Variants in DIP2C observed in about 807,000 individuals in gnomAD.
DIP2C encodes the protein disco-interacting protein 2 homolog C.
A neutral mutation model predicts 192.4 loss-of-function variants in DIP2C; 33 were observed. That is an observed-to-expected ratio of 0.17 (90% CI 0.13 to 0.23). The LOEUF (loss-of-function observed/expected upper bound fraction) is 0.23. Among genes scored for constraint, DIP2C ranks in the 10% least tolerant of loss-of-function variants. The probability of loss-of-function intolerance (pLI) is 1.00; values close to 1 mark genes in which losing one functional copy is unlikely to be tolerated. For missense variants in DIP2C, 1,537 were observed against 2,110.1 expected, an observed-to-expected ratio of 0.73 and a Z score of 5.32; for synonymous variants, 979 against 864.1, an observed-to-expected ratio of 1.13 and a Z score of -2.33.
intron 2 of DIP2C, among the ~76,000 whole-genome samples, chr10:480,964 C>G (rs557651824): frequency 1.3e-5 from 2 of 152,352 alleles, no homozygotes; most frequent in Admixed American, 6.5e-5. Flanking sequence ...AACACCCTTA[C>G]CCTGTGAGCT....
chr10:313,898 G>A (rs1956664647), intron 31 of DIP2C, among the ~76,000 whole-genome samples: 1 of 152,174 alleles, frequency 6.6e-6, no homozygotes, highest in Non-Finnish European at 1.5e-5. Context: ...GCTGACTGGT[G>A]ATTTTACTAT....
At chr10:418,286 G>A (rs530463762) in intron 6 of DIP2C, among the ~76,000 whole-genome samples, 11 of 129,316 alleles carry the variant, frequency 8.5e-5, no homozygotes, top group South Asian at 2.6e-4. Context: ...AGGCATCCCC[G>A]TCCACCTGTC....
intron 1 of DIP2C, chr10:662,664 T>C (rs752419598): frequency 5.3e-6 from 3 of 567,650 alleles, no homozygotes; most frequent in Non-Finnish European, 9.5e-6. Context: ...TTTTTCTTTT[T>C]CATCTTTTTA....
At chr10:478,913 GGGA>G (rs1388333485) in intron 2 of DIP2C, among the ~76,000 whole-genome samples, 1 of 152,138 alleles carries the variant, frequency 6.6e-6, no homozygotes, top group African/African-American at 2.4e-5. Context: ...GGGGTAGGGA[GGGA>G]GGAGGAGAGG....
chr10:510,701 A>C (rs1390828711), intron 1 of DIP2C, among the ~76,000 whole-genome samples: 3 of 152,230 alleles, frequency 2.0e-5, no homozygotes, highest in Non-Finnish European at 2.9e-5. Context: ...CCCCTGAGAG[A>C]GCAGCTGACT....
intron 17 of DIP2C, chr10:369,976 T>C (rs1960768293): frequency 5.1e-6 from 5 of 985,232 alleles, no homozygotes; most frequent in Non-Finnish European, 6.0e-6. Flanking sequence ...CTCTCTTTCC[T>C]CCCGGCTCCT....
At chr10:491,317 G>GA (rs1289551219) in intron 1 of DIP2C, among the ~76,000 whole-genome samples, 1 of 152,238 alleles carries the variant, frequency 6.6e-6, no homozygotes, top group East Asian at 1.9e-4. Context: ...TTTAATGCTG[G>GA]AATTAATAGT....
At chr10:578,776 A>G (rs1055488687) in intron 1 of DIP2C, among the ~76,000 whole-genome samples, 8 of 151,660 alleles carry the variant, frequency 5.3e-5, no homozygotes, top group East Asian at 3.9e-4. Context: ...AACTACATAT[A>G]GTGTACAAGC....
chr10:353,614 A>G (rs1290769060), intron 24 of DIP2C, among the ~76,000 whole-genome samples: 1 of 152,044 alleles, frequency 6.6e-6, no homozygotes, highest in African/African-American at 2.4e-5. Context: ...CTGGTCTCAA[A>G]CTCCCGACCT....
chr10:381,450 A>C (rs1962366979), intron 17 of DIP2C, among the ~76,000 whole-genome samples: 1 of 152,148 alleles, frequency 6.6e-6, no homozygotes, highest in Admixed American at 6.5e-5. Flanking sequence ...AATCACGCCA[A>C]TCAGAAAAGT....
chr10:510,658 C>G (rs944438477), intron 1 of DIP2C, among the ~76,000 whole-genome samples: 5 of 152,246 alleles, frequency 3.3e-5, no homozygotes, highest in Non-Finnish European at 7.3e-5. Flanking sequence ...TATTGCAGCA[C>G]AGACGGAAAT....
At chr10:295,971 G>C (rs1955735675) in intron 32 of DIP2C, among the ~76,000 whole-genome samples, 1 of 152,212 alleles carries the variant, frequency 6.6e-6, no homozygotes, top group African/African-American at 2.4e-5. Context: ...GGGGTTGTTT[G>C]ACTCTTTCTT....
rs565333868 is a variant in DIP2C, at chr10:601,429, C to T, written c.85+88065G>A. ...TTTTGTAATCTTACGGAGAAACTGC[C>T]GCTTTAAAACGGCACTAGTTCCTGG... On this transcript the variant is annotated intron_variant, in intron 1 of 36. Transcript: ENST00000280886. Among the ~76,000 whole-genome samples, 22 of 152,262 alleles carry T rather than the reference C, an allele frequency of 1.4e-4. No individual in the cohort carries two copies. In the South Asian group the frequency reaches 3.3e-3, roughly 23 times the overall value.
chr10:489,343 G>C (rs938181207), intron 1 of DIP2C, among the ~76,000 whole-genome samples: 1 of 152,196 alleles, frequency 6.6e-6, no homozygotes, highest in African/African-American at 2.4e-5. Context: ...TTTCCCGTGC[G>C]AATACAATCA....
At chr10:519,979 G>GAGAA (rs1846595045) in intron 1 of DIP2C, among the ~76,000 whole-genome samples, 1 of 152,228 alleles carries the variant, frequency 6.6e-6, no homozygotes, top group African/African-American at 2.4e-5. Context: ...GCACACCATG[G>GAGAA]CGGGCAGGAA....
At chr10:672,374 C>T (rs1451044676) in intron 1 of DIP2C, among the ~76,000 whole-genome samples, 2 of 152,238 alleles carry the variant, frequency 1.3e-5, no homozygotes, top group Non-Finnish European at 2.9e-5. Context: ...TGTGGAACAT[C>T]GGACAGGAAC....
At chr10:379,257 C>T (rs1416185566) in intron 17 of DIP2C, among the ~76,000 whole-genome samples, 1 of 150,318 alleles carries the variant, frequency 6.7e-6, no homozygotes, top group Non-Finnish European at 1.5e-5. Context: ...CGCTACCCCA[C>T]CCCAACCCCT....
At chr10:327,708 A>G (rs1412027581) in intron 30 of DIP2C, among the ~76,000 whole-genome samples, 1 of 152,176 alleles carries the variant, frequency 6.6e-6, no homozygotes, top group African/African-American at 2.4e-5. Context: ...CTGAAAACCT[A>G]CATTTTAATA....
chr10:423,254 G>A (rs1345954244), intron 4 of DIP2C, among the ~76,000 whole-genome samples: 1 of 152,170 alleles, frequency 6.6e-6, no homozygotes, highest in Non-Finnish European at 1.5e-5. Flanking sequence ...CATGCTATAA[G>A]ATGTTTGACA....
Sources: gnomAD v4.1 joint callset for allele counts (sites outside exome capture counted in the v4.1 genomes callset) on GRCh38, gnomAD v4.1.1 for gene constraint, MANE v1.5 for transcripts, NCBI Gene and HGNC (gene_info 2026-07-23, HGNC 2026-07-21) for gene names.